The following DOCK7 variants were observed in gnomAD, a reference collection of about 807,000 sequenced individuals.
DOCK7 encodes dedicator of cytokinesis 7, also known as dedicator of cytokinesis protein 7.
In DOCK7, 138 loss-of-function variants were observed where a neutral mutation model predicts 271.0. That is an observed-to-expected ratio of 0.51 (90% CI 0.44 to 0.59). DOCK7 has a LOEUF of 0.59. DOCK7 is among the 20% of genes least tolerant of loss of function. The pLI is 0.00. For synonymous variants in DOCK7, 823 were observed against 876.1 expected, an observed-to-expected ratio of 0.94 and a Z score of 1.07; for missense variants, 2,066 against 2,592.4, an observed-to-expected ratio of 0.80 and a Z score of 4.41.
At chr1:62,541,881 A>T (rs1190778621) in intron 25 of DOCK7, among the ~76,000 whole-genome samples, 2 of 152,142 alleles carry the variant, frequency 1.3e-5, no homozygotes, top group Non-Finnish European at 2.9e-5. Flanking sequence ...AAAAGTACTT[A>T]AAAAATTTAA....
At chr1:62,508,183 C>T in intron 34 of DOCK7, 125 bp from the exon 35 acceptor site, 3 of 867,240 alleles carry the variant, frequency 3.5e-6, no homozygotes, top group East Asian at 5.8e-5. Context: ...TAAAAAATTA[C>T]AAGAGAATAA....
intron 7 of DOCK7, among the ~76,000 whole-genome samples, chr1:62,647,475 C>T (rs1656810297): frequency 6.6e-6 from 1 of 152,132 alleles, no homozygotes. Flanking sequence ...GTTTGCTACA[C>T]AGTAGGCTTA....
At position 62,642,390 on chromosome 1, in the gene DOCK7, C is replaced by CA. The variant is rs374591656; in HGVS notation, c.818+5300dup. Among the ~76,000 whole-genome samples, 116 of 152,268 alleles carry CA rather than the reference C, an allele frequency of 7.6e-4. 2 individuals carry two copies. Among genetic ancestry groups the CA allele is most frequent in the African/African-American group, 2.7e-3 (114 of 41,552 alleles). The stretch of plus-strand genomic sequence containing the variant: ...AAGTGCTGGGATTATAGGCGTGAGC[C>CA]ACCGTGCCTGGCCTGTTCTACTTTT... On this transcript the variant is annotated intron_variant, in intron 7 of 49. Transcript: ENST00000635253.
At position 62,497,081 on chromosome 1, in the gene DOCK7, C is replaced by T. The variant is rs552969632; in HGVS notation, c.4765-584G>A. On this transcript the variant is annotated intron_variant, in intron 37 of 49. Coordinates refer to ENST00000635253, the MANE Select transcript of DOCK7 (RefSeq NM_001367561.1). ...GGTGATAATATATCAATTGTCAAATCCAATATTTTTTGGTCAATATTCTAC... is the reference window on the plus strand; with the variant it reads ...GGTGATAATATATCAATTGTCAAATTCAATATTTTTTGGTCAATATTCTAC... 2.6e-5 allele frequency among the ~76,000 whole-genome samples: 4 copies of T among 152,188 alleles called. No homozygotes were observed. The South Asian group carries it at 6.2e-4, about 24-fold the overall frequency.
At chr1:62,559,247 T>A in intron 19 of DOCK7, 27 bp from the exon 20 acceptor site, 1 of 1,560,192 alleles carries the variant, frequency 6.4e-7, no homozygotes, top group Non-Finnish European at 8.8e-7. Flanking sequence ...ACAAAAGCAC[T>A]AAGCACTTAT....
At chr1:62,645,612 A>T (rs1176019921) in intron 7 of DOCK7, among the ~76,000 whole-genome samples, 1 of 152,226 alleles carries the variant, frequency 6.6e-6, no homozygotes, top group Non-Finnish European at 1.5e-5. Context: ...TTGCAATAAT[A>T]GTTGCACAAA....
At chr1:62,567,035 A>T (rs1646540078) in intron 18 of DOCK7, among the ~76,000 whole-genome samples, 1 of 152,232 alleles carries the variant, frequency 6.6e-6, no homozygotes, top group Non-Finnish European at 1.5e-5. Flanking sequence ...ATCATTAAAA[A>T]GTCAGAAAGC....
chr1:62,529,586 C>A lies in DOCK7; in HGVS notation c.3612-140G>T. 8.1e-6 allele frequency: 4 copies of A among 493,648 alleles called. No individual in the cohort carries two copies. The South Asian group carries it at 1.7e-4, about 21-fold the overall frequency. 30.6% of individuals were successfully genotyped at this position (493,648 alleles called of 1,614,324 possible). ...CCTTTGTCATATATTTGCATGCATT[C>A]CATTCCTATAAAACATTTCTCATTT... is the stretch of plus-strand genomic sequence containing the variant. On this transcript the variant is annotated intron_variant, in intron 29 of 49. Coordinates refer to ENST00000635253, the MANE Select transcript of DOCK7 (RefSeq NM_001367561.1).
chr1:62,479,706 C>T, intron 43 of DOCK7: 2 of 359,006 alleles, frequency 5.6e-6, no homozygotes, highest in South Asian at 2.2e-5. Context: ...TTTTTTGAGA[C>T]AGGGTCTCAC....
intron 14 of DOCK7, chr1:62,604,225 G>C (rs570715138): frequency 6.2e-7 from 1 of 1,613,048 alleles, no homozygotes; most frequent in Admixed American, 1.7e-5. Flanking sequence ...ACTGTCCAGA[G>C]GGTTATTCAG....
At chr1:62,655,995 G>C (rs1017614510) in intron 2 of DOCK7, among the ~76,000 whole-genome samples, 7 of 152,098 alleles carry the variant, frequency 4.6e-5, no homozygotes, top group African/African-American at 1.4e-4. Flanking sequence ...TTTTTTCTAT[G>C]ATTTTTTCTC....
intron 31 of DOCK7, among the ~76,000 whole-genome samples, chr1:62,517,345 C>T (rs1347564560): frequency 2.6e-5 from 4 of 152,200 alleles, no homozygotes; most frequent in African/African-American, 9.7e-5. Flanking sequence ...GCCTGTATCC[C>T]AGCACTTCAG....
intron 48 of DOCK7, among the ~76,000 whole-genome samples, chr1:62,461,691 T>G (rs1645533181): frequency 7.3e-6 from 1 of 136,636 alleles, no homozygotes; most frequent in African/African-American, 3.2e-5. Flanking sequence ...TAAAATAAAA[T>G]AAAATAAAAT....
chr1:62,636,023 T>C (rs1471059731), intron 8 of DOCK7, among the ~76,000 whole-genome samples: 2 of 152,164 alleles, frequency 1.3e-5, no homozygotes, highest in Non-Finnish European at 2.9e-5. Flanking sequence ...GAGGCCAAGA[T>C]GGGCGGATCA....
rs144604663 is a variant in DOCK7, at chr1:62,494,284, T to G, written c.5208A>C (p.Val1736=). 1 of 1,585,154 alleles carries G rather than the reference T, an allele frequency of 6.3e-7. No homozygotes were observed. The highest frequency in any genetic ancestry group is 1.1e-5 in the South Asian group (1 of 88,450). Residue 1736 remains valine (V), a synonymous_variant, in exon 40 of 50, where the codon GTA becomes GTC. Transcript: ENST00000635253. ...EDRKYLPVGC[V]TFQNISSNVL... ...TCTGGAAGATTCCTACCTGAAATGT[T>G]ACACATCCCACAGGAAGATATTTCC...
At chr1:62,542,760 C>T in intron 24 of DOCK7, 57 bp from the exon 25 acceptor site, 1 of 1,498,948 alleles carries the variant, frequency 6.7e-7, no homozygotes, top group South Asian at 1.2e-5. Context: ...ATAACATAAA[C>T]CAAATCATAA....
chr1:62,664,423 T>G (rs1026587905), intron 1 of DOCK7, among the ~76,000 whole-genome samples: 1 of 152,158 alleles, frequency 6.6e-6, no homozygotes, highest in East Asian at 1.9e-4. Context: ...CCAGCCACCA[T>G]GTAAGATGTC....
At chr1:62,663,999 A>G (rs978516299) in intron 1 of DOCK7, among the ~76,000 whole-genome samples, 13 of 152,370 alleles carry the variant, frequency 8.5e-5, no homozygotes, top group African/African-American at 2.9e-4. Flanking sequence ...ATGAAGTATT[A>G]TTCAATGATA....
chr1:62,682,359 G>T lies in DOCK7; in HGVS notation c.38+5868C>A, dbSNP rs17123765. Among the ~76,000 whole-genome samples, 328 of 152,306 alleles carry T rather than the reference G, an allele frequency of 2.2e-3. 3 individuals carry two copies. Among genetic ancestry groups the T allele is most frequent in the Admixed American group, 0.011 (173 of 15,304 alleles). Reference sequence around the variant, plus strand: ...GCTAGTAGCTTTCTATGGTCACCTAGAAGTGAAATAATAAAGGATGTCCAA... The same window carrying T: ...GCTAGTAGCTTTCTATGGTCACCTATAAGTGAAATAATAAAGGATGTCCAA... On this transcript the variant is annotated intron_variant, in intron 1 of 49. Transcript: ENST00000635253.
Sources: gnomAD v4.1 joint callset for allele counts (sites outside exome capture counted in the v4.1 genomes callset) on GRCh38, gnomAD v4.1.1 for gene constraint, MANE v1.5 for transcripts, NCBI Gene and HGNC (gene_info 2026-07-23, HGNC 2026-07-21) for gene names.